BTBD9: variants seen among roughly 807,000 people sequenced by gnomAD.
The protein encoded by BTBD9 is BTB domain containing 9, also known as BTB/POZ domain-containing protein 9.
Under a neutral mutation model 64.3 loss-of-function variants are expected in BTBD9, and 49 were observed. The ratio of observed to expected loss-of-function variants is 0.76; its 90% CI spans 0.61 to 0.97. The LOEUF is 0.97. Ranked by LOEUF, BTBD9 falls within the 50% of genes least tolerant of loss-of-function variation. BTBD9 has a pLI of 0.00. For missense variants in BTBD9, 598 were observed against 762.1 expected (o/e 0.78, Z 2.53); for synonymous variants, 260 against 274.7 (o/e 0.95, Z 0.53).
rs1405206028 is a variant in BTBD9, at chr6:38,517,065, TA to T, written c.1154+60534del. Among the ~76,000 whole-genome samples, 4 of 152,180 alleles carry T rather than the reference TA, an allele frequency of 2.6e-5. No homozygotes were observed. The East Asian group carries it at 7.7e-4, about 29-fold the overall frequency. On this transcript the variant is annotated intron_variant, in intron 6 of 10. Transcript: ENST00000481247. ...TCAATCCTGATAAACTTGGAGAGAC[TA>T]GACAATCTAAGGGTACTCAGGGCCA... is the stretch of plus-strand genomic sequence containing the variant.
At chr6:38,328,463 G>A (rs1763525365) in intron 7 of BTBD9, among the ~76,000 whole-genome samples, 1 of 152,110 alleles carries the variant, frequency 6.6e-6, no homozygotes, top group Non-Finnish European at 1.5e-5. Context: ...GCCAAGGAGA[G>A]AGACCTTAGA....
At chr6:38,392,277 GA>G (rs200877683) in intron 6 of BTBD9, among the ~76,000 whole-genome samples, 196 of 148,966 alleles carry the variant, frequency 1.3e-3, no homozygotes, top group African/African-American at 2.0e-3. Context: ...TTTAAAAAAA[GA>G]AAAAAAAAAT....
intron 8 of BTBD9, among the ~76,000 whole-genome samples, chr6:38,266,112 A>C (rs1296979451): frequency 1.3e-5 from 2 of 152,250 alleles, no homozygotes; most frequent in Non-Finnish European, 1.5e-5. Context: ...TTTCAACGCA[A>C]ATCTATTTTC....
intron 6 of BTBD9, among the ~76,000 whole-genome samples, chr6:38,480,852 G>A (rs1771108286): frequency 6.6e-6 from 1 of 151,786 alleles, no homozygotes; most frequent in African/African-American, 2.4e-5. Flanking sequence ...TTGGTAGACA[G>A]CATATAGCCA....
chr6:38,541,198 T>C (rs1019497330), intron 6 of BTBD9, among the ~76,000 whole-genome samples: 1 of 152,294 alleles, frequency 6.6e-6, no homozygotes, highest in East Asian at 1.9e-4. Context: ...ATAAAAAGCA[T>C]GAAAAAAATG....
At chr6:38,545,810 A>T (rs1432355090) in intron 6 of BTBD9, among the ~76,000 whole-genome samples, 1 of 149,302 alleles carries the variant, frequency 6.7e-6, no homozygotes, top group East Asian at 2.0e-4. Flanking sequence ...AATGAATTTT[A>T]TATGTGACTA....
chr6:38,182,431 CAAAA>C (rs1761601830), intron 10 of BTBD9, among the ~76,000 whole-genome samples: 1 of 151,848 alleles, frequency 6.6e-6, no homozygotes, highest in African/African-American at 2.4e-5. Flanking sequence ...AACTAAGAAA[CAAAA>C]AAAGGGAAGT....
chr6:38,505,968 A>C (rs139305436), intron 6 of BTBD9, among the ~76,000 whole-genome samples: 2 of 109,648 alleles, frequency 1.8e-5, no homozygotes, highest in African/African-American at 5.0e-5. Flanking sequence ...TCTCAACAAA[A>C]AAAAAAAAAA....
chr6:38,326,850 T>A (rs971805928), intron 7 of BTBD9, among the ~76,000 whole-genome samples: 2 of 152,034 alleles, frequency 1.3e-5, no homozygotes, highest in African/African-American at 4.8e-5. Context: ...CTACTGACAG[T>A]TCTGAATTGA....
chr6:38,464,820 C>T (rs1770271275), intron 6 of BTBD9, among the ~76,000 whole-genome samples: 1 of 152,082 alleles, frequency 6.6e-6, no homozygotes, highest in South Asian at 2.1e-4. Context: ...TGTATAATAT[C>T]TTTGTCTGGT....
intron 6 of BTBD9, among the ~76,000 whole-genome samples, chr6:38,486,529 G>A (rs1424412710): frequency 6.6e-6 from 1 of 152,164 alleles, no homozygotes; most frequent in East Asian, 1.9e-4. Context: ...TTGTATCTCA[G>A]GGAATAGGGA....
At chr6:38,491,874 C>T (rs990417622) in intron 6 of BTBD9, among the ~76,000 whole-genome samples, 7 of 152,106 alleles carry the variant, frequency 4.6e-5, no homozygotes, top group African/African-American at 1.7e-4. Flanking sequence ...GATGGCTCAT[C>T]TGTTCACTTC....
At chr6:38,448,650 T>C (rs939744043) in intron 6 of BTBD9, among the ~76,000 whole-genome samples, 25 of 152,206 alleles carry the variant, frequency 1.6e-4, no homozygotes, top group Admixed American at 4.6e-4. Flanking sequence ...CCTGAGTAGC[T>C]GGGATTACAG....
intron 7 of BTBD9, among the ~76,000 whole-genome samples, chr6:38,339,120 T>A (rs993746873): frequency 6.6e-6 from 1 of 152,150 alleles, no homozygotes; most frequent in Non-Finnish European, 1.5e-5. Flanking sequence ...TAGAAATCTA[T>A]CCCAAAGATA....
At chr6:38,362,679 A>G (rs1222060506) in intron 6 of BTBD9, among the ~76,000 whole-genome samples, 1 of 152,240 alleles carries the variant, frequency 6.6e-6, no homozygotes, top group African/African-American at 2.4e-5. Flanking sequence ...TAAGGTAGCC[A>G]TATACTGGTG....
chr6:38,374,292 T>TATATACAC (rs1217899727), intron 6 of BTBD9, among the ~76,000 whole-genome samples: 1,452 of 77,440 alleles, frequency 0.019, 196 homozygotes, highest in African/African-American at 0.11. Flanking sequence ...AGTATATATA[T>TATATACAC]ATATGTATAT....
chr6:38,368,366 G>T (rs924770250), intron 6 of BTBD9, among the ~76,000 whole-genome samples: 3 of 152,026 alleles, frequency 2.0e-5, no homozygotes, highest in Admixed American at 1.3e-4. Context: ...ATGGAGTCTT[G>T]CTCTGTTGCC....
At chr6:38,336,561 T>C (rs978037696) in intron 7 of BTBD9, among the ~76,000 whole-genome samples, 2 of 152,146 alleles carry the variant, frequency 1.3e-5, no homozygotes, top group Non-Finnish European at 2.9e-5. Flanking sequence ...AAGAACAGCA[T>C]GGGGGTAACT....
Position 38,592,606 on chromosome 6 carries a change from C to A in BTBD9, c.784G>T (p.Asp262Tyr). The A allele has an allele frequency of 6.2e-7, 1 of 1,614,054 alleles. No individual in the cohort carries two copies. The highest frequency in any genetic ancestry group is 1.3e-5 in the African/African-American group (1 of 74,992). ...DAIKVRSESR[D>Y]MDLNYRGMLI... ...ATGCCTCTATAATTGAGGTCCATATCCCGGCTCTCAGATCGCACTTTAATG... is the reference window on the plus strand; with the variant it reads ...ATGCCTCTATAATTGAGGTCCATATACCGGCTCTCAGATCGCACTTTAATG... The change falls in exon 4 of 11, where the codon GAT becomes TAT. Residue 262 changes from aspartate (D) to tyrosine (Y), a missense_variant. Physicochemically the swap from Asp to Tyr is radical, Grantham distance 160. Transcript: ENST00000481247.
Sources: allele counts gnomAD v4.1 joint callset (sites outside exome capture counted in the v4.1 genomes callset), GRCh38; gene constraint gnomAD v4.1.1; transcripts MANE v1.5; gene names NCBI Gene and HGNC (gene_info 2026-07-23, HGNC 2026-07-21).